Variants in ARFGEF1 observed in about 807,000 individuals in gnomAD.
ARFGEF1 encodes the protein ARF guanine nucleotide exchange factor 1, also known as brefeldin A-inhibited guanine nucleotide-exchange protein 1.
In ARFGEF1, 42 loss-of-function variants were observed where a neutral mutation model predicts 231.0. The observed-to-expected ratio is 0.18, with a 90% CI of 0.14 to 0.24. ARFGEF1 has a LOEUF of 0.24. Among genes scored for constraint, ARFGEF1 ranks in the 10% least tolerant of loss-of-function variants. The pLI, the probability that ARFGEF1 is intolerant of heterozygous loss-of-function variation, is 1.00. For missense variants in ARFGEF1, 1,345 were observed against 2,192.0 expected (o/e 0.61, Z 7.72); for synonymous variants, 710 against 732.3 (o/e 0.97, Z 0.49).
rs200712493 is a variant in ARFGEF1, at chr8:67,255,420, C to G, written c.2527-1798G>C. 3.9e-5 allele frequency among the ~76,000 whole-genome samples: 6 copies of G among 152,020 alleles called. No homozygotes were observed. In the East Asian group the frequency reaches 7.7e-4, roughly 20 times the overall value. ...CACAAAAATTGTGTTCTAAATATGC[C>G]TAAAATTTTTTTTTAATCACTGACT... On this transcript the variant is annotated intron_variant, in intron 17 of 38. Transcript: ENST00000262215.
At chr8:67,302,185 C>G (rs1186709383) in intron 2 of ARFGEF1, among the ~76,000 whole-genome samples, 2 of 151,554 alleles carry the variant, frequency 1.3e-5, no homozygotes, top group Non-Finnish European at 2.9e-5. Context: ...GACAACAGAG[C>G]GAGACCCTGT....
Position 67,181,012 on chromosome 8 carries a change from T to C in ARFGEF1, c.561-5440A>G, listed in dbSNP as rs1314008330. Among the ~76,000 whole-genome samples, 5 of 152,026 alleles carry C rather than the reference T, an allele frequency of 3.3e-5. 1 individual carries two copies. The highest frequency in any genetic ancestry group is 7.4e-5 in the Non-Finnish European group (5 of 68,008). On this transcript the variant is annotated intron_variant, in intron 5 of 5. Transcript: ENST00000518789. The stretch of plus-strand genomic sequence containing the variant: ...CATGTGATAAAATTCCAAATTAACT[T>C]ATATTTTTCTCTTAATGGTTTTTTT...
intron 17 of ARFGEF1, among the ~76,000 whole-genome samples, chr8:67,256,141 A>C (rs1274486113): frequency 1.3e-5 from 2 of 152,190 alleles, no homozygotes; most frequent in African/African-American, 4.8e-5. Context: ...TCTGGTGTAA[A>C]AATATCTAAA....
intron 5 of ARFGEF1, chr8:67,190,500 A>T (rs957991225): frequency 4.7e-5 from 29 of 619,704 alleles, no homozygotes; most frequent in Non-Finnish European, 7.9e-5. Flanking sequence ...TAAATTTACT[A>T]AAAAAATCAC....
intron 1 of ARFGEF1, among the ~76,000 whole-genome samples, chr8:67,319,817 T>C (rs999587511): frequency 2.0e-5 from 3 of 152,162 alleles, no homozygotes; most frequent in Non-Finnish European, 4.4e-5. Flanking sequence ...CTAGAATATA[T>C]ACTTTAAAAA....
intron 1 of ARFGEF1, among the ~76,000 whole-genome samples, chr8:67,321,703 G>A (rs1269863701): frequency 4.0e-5 from 6 of 151,460 alleles, no homozygotes; most frequent in Admixed American, 1.3e-4. Flanking sequence ...TTCGTGATCC[G>A]CCCGCCTCAG....
At chr8:67,299,769 G>C (rs1806395196) in intron 3 of ARFGEF1, among the ~76,000 whole-genome samples, 1 of 152,168 alleles carries the variant, frequency 6.6e-6, no homozygotes, top group African/African-American at 2.4e-5. Context: ...TTAGGAGTTC[G>C]AGGCCAGCTG....
chr8:67,224,283 CAA>C (rs1477874117), intron 29 of ARFGEF1, among the ~76,000 whole-genome samples: 1 of 152,002 alleles, frequency 6.6e-6, no homozygotes, highest in African/African-American at 2.4e-5. Flanking sequence ...TTCAATGTGG[CAA>C]AGTACAGGGT....
chr8:67,228,145 T>C lies in ARFGEF1; in HGVS notation c.3422-13A>G. On this transcript the variant is annotated splice_polypyrimidine_tract_variant and intron_variant, in intron 24 of 38. Coordinates refer to ENST00000262215, the MANE Select transcript of ARFGEF1 (RefSeq NM_006421.5). ...CGGACAAAATCCACTGTAATATAAA[T>C]ACATTTTTTTTTTAGCTCAACATTA... The C allele has an allele frequency of 1.2e-6, 2 of 1,609,110 alleles. No individual in the cohort carries two copies. Among genetic ancestry groups the C allele is most frequent in the African/African-American group, 2.7e-5 (2 of 74,608 alleles).
intron 34 of ARFGEF1, among the ~76,000 whole-genome samples, chr8:67,210,493 A>T (rs1332505991): frequency 6.6e-6 from 1 of 151,886 alleles, no homozygotes; most frequent in Non-Finnish European, 1.5e-5. Flanking sequence ...AACCAAAAAC[A>T]ACAACAAAAA....
At chr8:67,291,702 T>C (rs898164276) in intron 6 of ARFGEF1, 145 bp downstream of exon 6, 12 of 1,090,290 alleles carry the variant, frequency 1.1e-5, no homozygotes, top group South Asian at 4.8e-5. Context: ...TTTTACCACC[T>C]ACAATGAGGA....
At chr8:67,236,329 AAAAAAAAAAAG>A in intron 22 of ARFGEF1, among the ~76,000 whole-genome samples, 1 of 125,548 alleles carries the variant, frequency 8.0e-6, no homozygotes, top group African/African-American at 3.0e-5. Context: ...AAAAAAAAAA[AAAAAAAAAAAG>A]ATATTAGTTA....
intron 7 of ARFGEF1, among the ~76,000 whole-genome samples, chr8:67,284,638 G>A (rs527719344): frequency 7.9e-5 from 12 of 152,204 alleles, no homozygotes; most frequent in Admixed American, 6.5e-4. Context: ...TGTAGGAAAC[G>A]GAAGATACAA....
At chr8:67,277,855 T>C (rs1301350140) in intron 7 of ARFGEF1, among the ~76,000 whole-genome samples, 1 of 152,246 alleles carries the variant, frequency 6.6e-6, no homozygotes, top group Non-Finnish European at 1.5e-5. Flanking sequence ...GGTTTCTTTA[T>C]TGTAGCCTTT....
intron 1 of ARFGEF1, 58 bp downstream of exon 1, chr8:67,343,088 ACCCCACCCCCCCACAGGC>A: frequency 5.0e-6 from 2 of 399,144 alleles, no homozygotes; most frequent in Non-Finnish European, 4.8e-6. Flanking sequence ...GCCCCGGGCG[ACCCCACCCCCCCACAGGC>A]GCCCCCCTCC....
At chr8:67,327,196 T>C (rs1397945177) in intron 1 of ARFGEF1, among the ~76,000 whole-genome samples, 1 of 152,210 alleles carries the variant, frequency 6.6e-6, no homozygotes, top group Non-Finnish European at 1.5e-5. Flanking sequence ...CTTGTGTGTA[T>C]GTTTTCTTTT....
chr8:67,272,981 C>T (rs2128897254), intron 9 of ARFGEF1, among the ~76,000 whole-genome samples: 1 of 152,066 alleles, frequency 6.6e-6, no homozygotes, highest in South Asian at 2.1e-4. Flanking sequence ...GTGGTGGGCA[C>T]CTGTAACCCC....
At chr8:67,320,630 A>C (rs1169054381) in intron 1 of ARFGEF1, among the ~76,000 whole-genome samples, 1 of 152,224 alleles carries the variant, frequency 6.6e-6, no homozygotes. Context: ...AGTGTTAAAC[A>C]AACTATACGA....
At chr8:67,320,008 G>C (rs1807505862) in intron 1 of ARFGEF1, among the ~76,000 whole-genome samples, 1 of 151,900 alleles carries the variant, frequency 6.6e-6, no homozygotes, top group South Asian at 2.1e-4. Context: ...ATCACCTGAG[G>C]TCAGGATTTC....
Sources: allele counts gnomAD v4.1 joint callset (sites outside exome capture counted in the v4.1 genomes callset), GRCh38; gene constraint gnomAD v4.1.1; transcripts MANE v1.5; gene names NCBI Gene and HGNC (gene_info 2026-07-23, HGNC 2026-07-21).